CPNE7: variants seen among roughly 807,000 people sequenced by gnomAD.
CPNE7 encodes the protein copine-7.
Under a neutral mutation model 66.5 loss-of-function variants are expected in CPNE7, and 78 were observed. The observed-to-expected ratio is 1.17, with a 90% CI of 0.98 to 1.42. The LOEUF (loss-of-function observed/expected upper bound fraction) is 1.42. Among genes scored for constraint, CPNE7 ranks in the 40% most tolerant of loss-of-function variants. The probability of loss-of-function intolerance (pLI) is 0.00; values close to 1 mark genes in which losing one functional copy is unlikely to be tolerated. For missense variants in CPNE7, 1,012 were observed against 776.6 expected, an observed-to-expected ratio of 1.30 and a Z score of -3.60; for synonymous variants, 468 against 336.7, an observed-to-expected ratio of 1.39 and a Z score of -4.27.
At chr16:89,580,245 C>T (rs1008914825) in intron 2 of CPNE7, among the ~76,000 whole-genome samples, 1 of 90,590 alleles carries the variant, frequency 1.1e-5, no homozygotes, top group African/African-American at 3.6e-5. Flanking sequence ...CCCCATCACA[C>T]GGAACATCCC....
chr16:89,588,586 G>C (rs1296529707), intron 9 of CPNE7, 89 bp from the exon 10 acceptor site: 49 of 1,546,930 alleles, frequency 3.2e-5, no homozygotes, highest in Non-Finnish European at 4.1e-5. Context: ...CCTGAGTCCT[G>C]GCCACTCTGG....
At chr16:89,589,807 T>G in intron 10 of CPNE7, 90 bp from the exon 11 acceptor site, 1 of 1,448,648 alleles carries the variant, frequency 6.9e-7, no homozygotes, top group Non-Finnish European at 9.6e-7. Flanking sequence ...CCCCCAGTCT[T>G]TTGGGCGCCA....
At chr16:89,596,393 G>C in intron 14 of CPNE7, 91 bp from the exon 15 acceptor site, 1 of 1,500,554 alleles carries the variant, frequency 6.7e-7, no homozygotes, top group South Asian at 1.3e-5. Context: ...CTCGGCTCTG[G>C]AGGATGAGGC....
intron 10 of CPNE7, 57 bp from the exon 11 acceptor site, chr16:89,589,840 C>A: frequency 6.3e-7 from 1 of 1,587,282 alleles, no homozygotes. Context: ...TAGAAGTGGC[C>A]CCTGTTGCAG....
In CPNE7 at chr16:89,584,072, C is replaced by G. The variant is rs780534297; in HGVS notation, c.477C>G (p.Leu159=). The G allele has an allele frequency of 1.1e-5, 18 of 1,612,050 alleles. No individual in the cohort carries two copies. The highest frequency in any genetic ancestry group is 1.5e-5 in the Non-Finnish European group (18 of 1,179,586). Residue 159 remains leucine, a synonymous_variant, in exon 4 of 15, where the codon CTC becomes CTG. Transcript: ENST00000319518. This position sits in a 1 kb window ranked among gnomAD's most constrained non-coding sequence, Gnocchi z 6.0. ...CGGGGAACAACGGCTACGTGGAGCT[C>G]TCCTTCCGGGCCAGGAAGCTGGACG... ...DISGNNGYVE[L]SFRARKLDDK...
In CPNE7 at chr16:89,594,130, C is replaced by A. The variant is rs1312782432; in HGVS notation, c.1303-1237C>A. 2.6e-5 allele frequency: 4 copies of A among 151,198 alleles called. No homozygotes were observed. The East Asian group carries it at 5.9e-4, about 22-fold the overall frequency. 9.4% of individuals were successfully genotyped at this position (151,198 alleles called of 1,614,324 possible). On this transcript the variant is annotated intron_variant, in intron 13 of 14. Coordinates refer to ENST00000319518, the MANE Select transcript of CPNE7 (RefSeq NM_153636.3). ...GAGCCCTCGGTCCCTCTCCTGGACACGAAGCTCCCGCCCTAGTGGGGCCCC... is the reference window on the plus strand; with the variant it reads ...GAGCCCTCGGTCCCTCTCCTGGACAAGAAGCTCCCGCCCTAGTGGGGCCCC...
intron 1 of CPNE7, among the ~76,000 whole-genome samples, chr16:89,576,987 C>T (rs746444220): frequency 5.3e-5 from 8 of 152,230 alleles, no homozygotes. Flanking sequence ...GTGCCCGCAC[C>T]CTCAGAGCGT....
chr16:89,586,877 G>T, intron 8 of CPNE7, 121 bp downstream of exon 8: 2 of 1,130,036 alleles, frequency 1.8e-6, no homozygotes, highest in South Asian at 1.3e-5. Flanking sequence ...CTGGGGAGGG[G>T]CTGAGAGACG....
At chr16:89,578,918 C>G in intron 2 of CPNE7, 1 of 1,613,928 alleles carries the variant, frequency 6.2e-7, no homozygotes, top group Non-Finnish European at 8.5e-7. Context: ...CTGGGCCCTG[C>G]TGGACACTGC....
Position 89,578,096 on chromosome 16 carries a change from G to A in CPNE7, c.357+375G>A, listed in dbSNP as rs376868454. On this transcript the variant is annotated intron_variant, in intron 2 of 14. Coordinates refer to ENST00000319518, the MANE Select transcript of CPNE7 (RefSeq NM_153636.3). ...TTTTTTTTTTTTGAGATGTAGTCTC[G>A]CTCTGTCACCCAGGCTGGAGTGCAG... Among the ~76,000 whole-genome samples the A allele has an allele frequency of 2.2e-3, 287 of 131,486 alleles. 1 individual carries two copies. Among genetic ancestry groups the A allele is most frequent in the African/African-American group, 7.4e-3 (254 of 34,160 alleles). The allele number at this position is 131,486 out of a possible 152,430, so 86.3% of individuals were successfully genotyped here. A position where few individuals can be genotyped will look rare whatever the true frequency, so the allele number is the denominator to read the frequency against.
Position 89,587,973 on chromosome 16 carries a change from G to GC in CPNE7, c.928-697dup, listed in dbSNP as rs371845316. Among the ~76,000 whole-genome samples, 4 of 4,230 alleles carry GC rather than the reference G, an allele frequency of 9.5e-4. 2 individuals are homozygous for GC. The highest frequency in any genetic ancestry group is 2.9e-3 in the Non-Finnish European group (4 of 1,368). 2.8% of individuals were successfully genotyped at this position (4,230 alleles called of 152,430 possible). On this transcript the variant is annotated intron_variant, in intron 9 of 14. Coordinates refer to ENST00000319518, the MANE Select transcript of CPNE7 (RefSeq NM_153636.3). ...CCCCCGTGTTACCCACAGATACACGGCCCCCGTGTCACCCACAGATACACG... is the reference window on the plus strand; with the variant it reads ...CCCCCGTGTTACCCACAGATACACGGCCCCCCGTGTCACCCACAGATACACG...
intron 2 of CPNE7, chr16:89,583,412 C>T (rs1195453424): frequency 9.7e-6 from 15 of 1,543,522 alleles, no homozygotes; most frequent in Non-Finnish European, 1.2e-5. Context: ...TCCTGGCTTC[C>T]ACCTGAGCCT....
chr16:89,592,810 C>CTT (rs57297283), intron 13 of CPNE7, among the ~76,000 whole-genome samples: 8,042 of 106,258 alleles, frequency 0.076, 471 homozygotes, highest in South Asian at 0.17. Flanking sequence ...TTTTTCTTTT[C>CTT]TTTTTTTTTT....
At chr16:89,578,877 G>C in intron 2 of CPNE7, 1 of 1,612,464 alleles carries the variant, frequency 6.2e-7, no homozygotes, top group Middle Eastern at 1.7e-4. Flanking sequence ...AGTGGCTTCT[G>C]CAAGTCGTGA....
Position 89,591,105 on chromosome 16 carries a change from GCTCACCC to G in CPNE7, c.1169-20_1169-14del. On this transcript the variant is annotated splice_polypyrimidine_tract_variant and intron_variant, in intron 12 of 14. Transcript: ENST00000319518. The stretch of plus-strand genomic sequence containing the variant: ...GGGGAGGGGAGTGCAGGGGGGCCGG[GCTCACCC>G]CCTGCCCCCCACAGGCATCCAGGGC... The G allele has an allele frequency of 2.5e-6, 4 of 1,613,116 alleles. No homozygotes were observed. Among genetic ancestry groups the G allele is most frequent in the Non-Finnish European group, 3.4e-6 (4 of 1,179,804 alleles).
Position 89,585,798 on chromosome 16 carries a change from G to T in CPNE7, c.780+13G>T. On this transcript the variant is annotated intron_variant, in intron 7 of 14. Coordinates refer to ENST00000319518, the MANE Select transcript of CPNE7 (RefSeq NM_153636.3). Reference sequence around the variant, plus strand: ...TGAGGAGGGGCAGGTGAGCAGGACGGGGTAGGGGGTCCTCCAGGGAGGGTC... The same window carrying T: ...TGAGGAGGGGCAGGTGAGCAGGACGTGGTAGGGGGTCCTCCAGGGAGGGTC... The T allele has an allele frequency of 6.9e-7, 1 of 1,439,266 alleles. No individual in the cohort carries two copies. The highest frequency in any genetic ancestry group is 9.3e-7 in the Non-Finnish European group (1 of 1,079,320). 89.2% of individuals were successfully genotyped at this position (1,439,266 alleles called of 1,614,324 possible).
intron 9 of CPNE7, 144 bp downstream of exon 9, chr16:89,587,246 C>T: frequency 3.9e-6 from 1 of 257,576 alleles, no homozygotes. Flanking sequence ...TGGCCCCGCC[C>T]CTCCCGCCCC....
At chr16:89,595,681 C>A (rs923705470) in intron 14 of CPNE7, 78 bp downstream of exon 14, 2 of 1,280,508 alleles carry the variant, frequency 1.6e-6, no homozygotes, top group Non-Finnish European at 1.1e-6. Flanking sequence ...CTTCCCAGGC[C>A]AGGCTCACGC....
At chr16:89,593,356 A>G (rs1267059529) in intron 13 of CPNE7, among the ~76,000 whole-genome samples, 6 of 146,164 alleles carry the variant, frequency 4.1e-5, no homozygotes, top group Non-Finnish European at 1.5e-5. Flanking sequence ...TTACCTCTTA[A>G]TATTTTTTTT....
Sources: allele counts gnomAD v4.1 joint callset (sites outside exome capture counted in the v4.1 genomes callset), GRCh38; gene constraint gnomAD v4.1.1; non-coding constraint Gnocchi (gnomAD v3.1); transcripts MANE v1.5; gene names NCBI Gene and HGNC (gene_info 2026-07-23, HGNC 2026-07-21).